The following CEP63 variants were observed in gnomAD, a reference collection of about 807,000 sequenced individuals.
The protein encoded by CEP63 is centrosomal protein 63, also known as centrosomal protein of 63 kDa.
CEP63 carries 84 observed loss-of-function variants against 89.1 expected under a neutral mutation model. The observed-to-expected ratio is 0.94, with a 90% CI of 0.79 to 1.13. CEP63 has a LOEUF of 1.13. Ranked by LOEUF, CEP63 falls within the 50% of genes most tolerant of loss-of-function variation. The pLI is 0.00. For synonymous variants in CEP63, 267 were observed against 272.5 expected (o/e 0.98, Z 0.20); for missense variants, 838 against 813.3 (o/e 1.03, Z -0.37).
chr3:134,578,722 T>C (rs550037431), downstream of CEP63, among the ~76,000 whole-genome samples: 2 of 152,192 alleles, frequency 1.3e-5, no homozygotes, highest in African/African-American at 4.8e-5. Context: ...TTTTGAGAAG[T>C]GTCTGTTCAT....
intron 6 of CEP63, among the ~76,000 whole-genome samples, chr3:134,538,677 T>A (rs1248500749): frequency 6.6e-6 from 1 of 151,050 alleles, no homozygotes; most frequent in Non-Finnish European, 1.5e-5. Flanking sequence ...CTTGGCCTCC[T>A]AAAGTGCTGG....
chr3:134,558,498 A>G, intron 13 of CEP63, 151 bp downstream of exon 13: 1 of 679,200 alleles, frequency 1.5e-6, no homozygotes. Context: ...TAAAGCTATG[A>G]TCATGTTAAA....
the CEP63 span, among the ~76,000 whole-genome samples, chr3:134,630,520 T>A: frequency 6.6e-6 from 1 of 152,072 alleles, no homozygotes; most frequent in South Asian, 2.1e-4. Context: ...GAGAAATGGG[T>A]CATGAAGAGG....
chr3:134,526,370 T>G (rs1948640698), intron 3 of CEP63, among the ~76,000 whole-genome samples: 1 of 152,178 alleles, frequency 6.6e-6, no homozygotes, highest in East Asian at 1.9e-4. Context: ...TGAGATTTCT[T>G]TCCCCTGCTT....
the CEP63 span, among the ~76,000 whole-genome samples, chr3:134,760,097 C>T: frequency 5.6e-5 from 8 of 141,788 alleles, no homozygotes; most frequent in African/African-American, 1.6e-4. Context: ...CTCGCTCTGT[C>T]GCCCAGGCTG....
intron 2 of CEP63, among the ~76,000 whole-genome samples, 176 bp from the exon 3 acceptor site, chr3:134,506,933 A>G (rs1943597830): frequency 6.6e-6 from 1 of 151,474 alleles, no homozygotes; most frequent in Non-Finnish European, 1.5e-5. Flanking sequence ...AAAAAAAAAA[A>G]AAAAAAAAAA....
intron 11 of CEP63, among the ~76,000 whole-genome samples, chr3:134,570,040 A>G (rs1004450836): frequency 7.9e-5 from 12 of 152,082 alleles, no homozygotes; most frequent in African/African-American, 2.7e-4. Flanking sequence ...GCTGGGACAC[A>G]GGGCACCAAG....
At chr3:134,652,665 C>T in the CEP63 span, among the ~76,000 whole-genome samples, 36 of 152,164 alleles carry the variant, frequency 2.4e-4, no homozygotes, top group Middle Eastern at 3.4e-3. Context: ...CACGCGCGCG[C>T]GCACACCTGG....
chr3:134,650,938 T>C, the CEP63 span: 1 of 1,613,188 alleles, frequency 6.2e-7, no homozygotes, highest in African/African-American at 1.3e-5. Context: ...AGATACAGCG[T>C]TGATGTCCTT....
chr3:134,700,874 C>A, the CEP63 span, among the ~76,000 whole-genome samples: 1 of 152,196 alleles, frequency 6.6e-6, no homozygotes, highest in Non-Finnish European at 1.5e-5. Flanking sequence ...TTCTTGGCTC[C>A]CCTCCCATCA....
intron 3 of CEP63, 129 bp downstream of exon 3, chr3:134,507,415 T>C (rs1943746993): frequency 3.0e-6 from 2 of 676,022 alleles, no homozygotes; most frequent in Non-Finnish European, 5.0e-6. Context: ...ATTATAATTC[T>C]GCTGTTTTAT....
At chr3:134,625,261 A>T in the CEP63 span, 17 of 762,488 alleles carry the variant, frequency 2.2e-5, no homozygotes, top group Non-Finnish European at 3.6e-5. Context: ...AAAGCCTGAA[A>T]CATTGAGCCT....
At position 134,562,499 on chromosome 3, in the gene CEP63, G is replaced by A. The variant is rs550006208; in HGVS notation, c.*964G>A. ...TTTCTGTAGTGGATCTTTCCCATCA[G>A]CGTAAAACATCCTGTTATTTCCCCT... On this transcript the variant is annotated 3_prime_UTR_variant, in exon 15 of 15. Coordinates refer to ENST00000675561, the MANE Select transcript of CEP63 (RefSeq NM_001353108.3). The A allele has an allele frequency of 6.6e-6, 1 of 152,528 alleles. No individual in the cohort carries two copies. Among genetic ancestry groups the A allele is most frequent in the South Asian group, 2.1e-4 (1 of 4,822 alleles). 9.4% of individuals were successfully genotyped at this position (152,528 alleles called of 1,614,324 possible).
downstream of CEP63, among the ~76,000 whole-genome samples, chr3:134,592,691 G>A (rs1958625379): frequency 1.3e-5 from 2 of 152,122 alleles, no homozygotes; most frequent in South Asian, 4.1e-4. Context: ...CAGGTTTGGG[G>A]AGTTAAATAA....
the CEP63 span, among the ~76,000 whole-genome samples, chr3:134,665,283 C>A: frequency 1.3e-5 from 2 of 152,204 alleles, no homozygotes; most frequent in African/African-American, 4.8e-5. Flanking sequence ...CTGGTGCTGC[C>A]CCTGGATCTG....
At position 134,494,798 on chromosome 3, in the gene CEP63, G is replaced by T. The variant is rs557090173; in HGVS notation, c.-25-498G>T. Among the ~76,000 whole-genome samples the T allele has an allele frequency of 5.9e-5, 9 of 152,292 alleles. No homozygotes were observed. In the South Asian group the frequency reaches 1.9e-3, roughly 32 times the overall value. On this transcript the variant is annotated intron_variant, in intron 1 of 14. Transcript: ENST00000675561. The stretch of plus-strand genomic sequence containing the variant: ...GGTGGAGAGAGGATGTTGCATGCAG[G>T]AAGCTCTATGAGCCTGTCTTCAGGA...
chr3:134,716,711 G>A, the CEP63 span, among the ~76,000 whole-genome samples: 1,415 of 152,166 alleles, frequency 9.3e-3, 55 homozygotes, highest in Admixed American at 0.063. Context: ...TACTGTCTTC[G>A]GAGTCATGCA....
the CEP63 span, among the ~76,000 whole-genome samples, chr3:134,775,488 A>G: frequency 6.6e-6 from 1 of 152,200 alleles, no homozygotes; most frequent in Non-Finnish European, 1.5e-5. Context: ...GGCAGTGCCC[A>G]TTTGGCCAAA....
intron 1 of CEP63, among the ~76,000 whole-genome samples, chr3:134,491,358 T>C (rs1047388059): frequency 6.6e-6 from 1 of 152,242 alleles, no homozygotes; most frequent in African/African-American, 2.4e-5. Context: ...CTGTCATTTG[T>C]ATTTTTCTGT....
Sources: allele counts gnomAD v4.1 joint callset (sites outside exome capture counted in the v4.1 genomes callset), GRCh38; gene constraint gnomAD v4.1.1; transcripts MANE v1.5; gene names NCBI Gene and HGNC (gene_info 2026-07-23, HGNC 2026-07-21).